Variants in TBC1D14 observed in about 807,000 individuals in gnomAD.
The protein encoded by TBC1D14 is TBC1 domain family, member 14.
Under a neutral mutation model 79.0 loss-of-function variants are expected in TBC1D14, and 26 were observed. That is an observed-to-expected ratio of 0.33 (90% CI 0.24 to 0.46). The LOEUF (loss-of-function observed/expected upper bound fraction) is 0.46. Ranked by LOEUF, TBC1D14 falls within the 20% of genes least tolerant of loss-of-function variation. The pLI, the probability that TBC1D14 is intolerant of heterozygous loss-of-function variation, is 1.00. For missense variants in TBC1D14, 769 were observed against 887.6 expected (o/e 0.87, Z 1.70); for synonymous variants, 394 against 349.9 (o/e 1.13, Z -1.40).
At chr4:7,015,069 G>A (rs1171099743) in intron 12 of TBC1D14, among the ~76,000 whole-genome samples, 3 of 152,114 alleles carry the variant, frequency 2.0e-5, no homozygotes, top group African/African-American at 4.8e-5. Context: ...GTGGGGTAGA[G>A]GTTGAAAGTA....
At chr4:7,012,076 G>A (rs1406145210) in intron 11 of TBC1D14, among the ~76,000 whole-genome samples, 3 of 151,814 alleles carry the variant, frequency 2.0e-5, no homozygotes, top group Non-Finnish European at 4.4e-5. Flanking sequence ...CGAGGAGGGC[G>A]GATCACGAGG....
intron 13 of TBC1D14, among the ~76,000 whole-genome samples, chr4:7,028,147 CAT>C (rs1338583258): frequency 1.3e-5 from 2 of 151,844 alleles, no homozygotes; most frequent in African/African-American, 4.8e-5. Context: ...CACACGTACA[CAT>C]TACACACCCA....
At position 7,014,534 on chromosome 4, in the gene TBC1D14, T is replaced by C. The variant is rs146791527; in HGVS notation, c.1734T>C (p.Thr578=). ...CGCATTTCAAGAAGAACAACCTAAC[T>C]CCAGATATCTACCTAATTGATTGGT... ...LFAHFKKNNL[T]PDIYLIDWIF... Residue 578 remains threonine, a synonymous_variant, in exon 12 of 14, where the codon ACT becomes ACC. Transcript: ENST00000409757. 210 of 1,612,730 alleles carry C rather than the reference T, an allele frequency of 1.3e-4. 1 individual carries two copies. In the Middle Eastern group the frequency reaches 2.0e-3, roughly 15 times the overall value.
intron 12 of TBC1D14, among the ~76,000 whole-genome samples, chr4:7,018,198 T>C (rs1187601866): frequency 6.6e-6 from 1 of 152,214 alleles, no homozygotes; most frequent in Non-Finnish European, 1.5e-5. Flanking sequence ...CTCCACATTA[T>C]GGGTCTGCAC....
intron 2 of TBC1D14, among the ~76,000 whole-genome samples, chr4:6,963,111 G>T (rs1239383256): frequency 6.6e-6 from 1 of 152,270 alleles, no homozygotes; most frequent in Non-Finnish European, 1.5e-5. Flanking sequence ...AAGCAGGGGA[G>T]CCCAGGCCCG....
intron 3 of TBC1D14, among the ~76,000 whole-genome samples, chr4:6,992,726 G>A (rs745344774): frequency 6.6e-6 from 1 of 152,214 alleles, no homozygotes; most frequent in African/African-American, 2.4e-5. Context: ...TGACATTCAG[G>A]TGCTAGACTT....
chr4:6,980,520 A>G (rs1050992042), intron 3 of TBC1D14, among the ~76,000 whole-genome samples: 2 of 152,210 alleles, frequency 1.3e-5, no homozygotes, highest in African/African-American at 4.8e-5. Context: ...GAAGCAAGTA[A>G]TAAGTGTGAG....
chr4:6,917,779 C>G (rs989652505), intron 1 of TBC1D14, among the ~76,000 whole-genome samples: 2 of 152,144 alleles, frequency 1.3e-5, no homozygotes, highest in African/African-American at 4.8e-5. Context: ...CACCCATTAG[C>G]TTTGTCTCAG....
At chr4:7,029,421 G>C (rs1324013127) in intron 13 of TBC1D14, among the ~76,000 whole-genome samples, 1 of 152,270 alleles carries the variant, frequency 6.6e-6, no homozygotes, top group African/African-American at 2.4e-5. Flanking sequence ...TAGCCTTCCA[G>C]AGTTTGTCGC....
chr4:6,928,362 A>C (rs1482755404), intron 2 of TBC1D14, among the ~76,000 whole-genome samples: 1 of 152,230 alleles, frequency 6.6e-6, no homozygotes, highest in Non-Finnish European at 1.5e-5. Context: ...CCTGGCACCA[A>C]GTGTAATTCA....
intron 3 of TBC1D14, among the ~76,000 whole-genome samples, chr4:6,985,235 A>G (rs1407489235): frequency 6.6e-6 from 1 of 152,220 alleles, no homozygotes; most frequent in Admixed American, 6.5e-5. Flanking sequence ...ATGATGGGGA[A>G]TTCCATAGTA....
chr4:6,921,432 C>G (rs1366139410), intron 1 of TBC1D14, among the ~76,000 whole-genome samples: 1 of 152,104 alleles, frequency 6.6e-6, no homozygotes, highest in Non-Finnish European at 1.5e-5. Flanking sequence ...CTTTTGAATT[C>G]CTAGGCCGAA....
chr4:7,003,326 A>G (rs1317228261), intron 7 of TBC1D14, among the ~76,000 whole-genome samples: 2 of 152,340 alleles, frequency 1.3e-5, no homozygotes, highest in East Asian at 1.9e-4. Flanking sequence ...CCTAGTGGCC[A>G]TGGCCACACA....
Position 7,025,097 on chromosome 4 carries a change from C to T in TBC1D14, c.1851C>T (p.Arg617=), listed in dbSNP as rs2109315805. 6.2e-7 allele frequency: 1 copy of T among 1,614,206 alleles called. No homozygotes were observed. Among genetic ancestry groups the T allele is most frequent in the Non-Finnish European group, 8.5e-7 (1 of 1,180,042 alleles). Reference sequence around the variant, plus strand: ...GCGATGGGGAAGAGTTCCTGTTCCGCACGGCCCTGGGCATCCTGAAGCTGT... The same window carrying T: ...GCGATGGGGAAGAGTTCCTGTTCCGTACGGCCCTGGGCATCCTGAAGCTGT... ...FCRDGEEFLF[R]TALGILKLFE... is the part of the protein sequence containing the mutation. Residue 617 remains arginine, a synonymous_variant, in exon 13 of 14, where the codon CGC becomes CGT. Coordinates refer to ENST00000409757, the MANE Select transcript of TBC1D14 (RefSeq NM_020773.3).
chr4:7,006,789 G>A, intron 9 of TBC1D14, 63 bp downstream of exon 9: 2 of 1,477,146 alleles, frequency 1.4e-6, no homozygotes, highest in Non-Finnish European at 1.9e-6. Flanking sequence ...ATGCTGAACT[G>A]TGTATATTTG....
chr4:6,997,098 C>G (rs1719136791), intron 5 of TBC1D14: 1 of 152,264 alleles, frequency 6.6e-6, no homozygotes, highest in South Asian at 2.1e-4. Flanking sequence ...GCCCGGTGTC[C>G]CCTTCCCCAC....
Position 6,909,865 on chromosome 4 carries a change from T to A in TBC1D14, c.-104T>A, listed in dbSNP as rs1436710101. ...CCCGCTGCCTACCGCGTGCCCGGCG[T>A]CCTCGTCGCGCGAGTTGCCGGTCCC... is the stretch of plus-strand genomic sequence containing the variant. On this transcript the variant is annotated 5_prime_UTR_variant, in exon 1 of 14. Transcript: ENST00000409757. 1 of 147,918 alleles carries A rather than the reference T, an allele frequency of 6.8e-6. No individual in the cohort carries two copies. Among genetic ancestry groups the A allele is most frequent in the African/African-American group, 2.4e-5 (1 of 40,944 alleles). 9.2% of individuals were successfully genotyped at this position (147,918 alleles called of 1,614,324 possible). A position where few individuals can be genotyped will look rare whatever the true frequency, so the allele number is the denominator to read the frequency against.
chr4:6,987,146 T>C, intron 3 of TBC1D14: 3 of 1,084,454 alleles, frequency 2.8e-6, no homozygotes, highest in Non-Finnish European at 3.4e-6. Flanking sequence ...CAGCCAGGCC[T>C]GACGCGCCGA....
At chr4:6,947,158 C>T (rs1385480741) in intron 2 of TBC1D14, among the ~76,000 whole-genome samples, 1 of 151,188 alleles carries the variant, frequency 6.6e-6, no homozygotes, top group Non-Finnish European at 1.5e-5. Context: ...TTCAGGAGTT[C>T]AAGACCAGCC....
Sources: gnomAD v4.1 joint callset for allele counts (sites outside exome capture counted in the v4.1 genomes callset) on GRCh38, gnomAD v4.1.1 for gene constraint, MANE v1.5 for transcripts, NCBI Gene and HGNC (gene_info 2026-07-23, HGNC 2026-07-21) for gene names.